The following COG6 variants were observed in gnomAD, a reference collection of about 807,000 sequenced individuals.
COG6 encodes the protein conserved oligomeric Golgi complex subunit 6.
COG6 carries 74 observed loss-of-function variants against 88.8 expected under a neutral mutation model. The ratio of observed to expected loss-of-function variants is 0.83; its 90% CI spans 0.69 to 1.01. The LOEUF (loss-of-function observed/expected upper bound fraction) is 1.01. COG6 is among the 50% of genes least tolerant of loss of function. The pLI, the probability that COG6 is intolerant of heterozygous loss-of-function variation, is 0.00. For synonymous variants in COG6, 286 were observed against 278.7 expected (o/e 1.03, Z -0.26); for missense variants, 800 against 797.9 (o/e 1.00, Z -0.03).
In COG6 at chr13:39,779,386, C is replaced by T. The variant is rs79014121; in HGVS notation, c.1827-8949C>T. Among the ~76,000 whole-genome samples the T allele has an allele frequency of 2.4e-4, 37 of 152,340 alleles. 2 individuals carry two copies. The East Asian group carries it at 5.8e-3, about 24-fold the overall frequency. ...TTAAATCGATCATTCCTATAAGCAA[C>T]GGTGTTATCTCCACATCATCCTATT... On this transcript the variant is annotated intron_variant, in intron 18 of 18. Coordinates refer to the COG6 transcript ENST00000416691.
intron 18 of COG6, among the ~76,000 whole-genome samples, chr13:39,767,891 C>T (rs561567555): frequency 2.9e-4 from 44 of 152,288 alleles, no homozygotes; most frequent in Middle Eastern, 3.4e-3. Flanking sequence ...TAAACTGGAG[C>T]TTTGATTTTA....
chr13:39,746,266 T>A (rs1880347041), intron 18 of COG6, among the ~76,000 whole-genome samples: 1 of 151,118 alleles, frequency 6.6e-6, no homozygotes, highest in Admixed American at 6.6e-5. Context: ...CCCTTTCAAC[T>A]GGTCTTTTTG....
intron 18 of COG6, among the ~76,000 whole-genome samples, chr13:39,737,249 A>G (rs1593463165): frequency 6.6e-6 from 1 of 152,196 alleles, no homozygotes; most frequent in African/African-American, 2.4e-5. Context: ...CACCACTGGT[A>G]CTGCGCTGGG....
chr13:39,771,142 C>T (rs1314615343), intron 18 of COG6, among the ~76,000 whole-genome samples: 1 of 152,134 alleles, frequency 6.6e-6, no homozygotes, highest in African/African-American at 2.4e-5. Flanking sequence ...AGAAAGCCTG[C>T]CACTGCTTAG....
At chr13:39,658,124 T>G (rs888389904) in intron 1 of COG6, among the ~76,000 whole-genome samples, 33 of 151,932 alleles carry the variant, frequency 2.2e-4, no homozygotes, top group Middle Eastern at 3.4e-3. Context: ...AGGTTCTACT[T>G]TGAAGAATAT....
intron 11 of COG6, among the ~76,000 whole-genome samples, chr13:39,690,228 A>G (rs571034997): frequency 3.0e-4 from 45 of 152,176 alleles, no homozygotes; most frequent in African/African-American, 1.1e-3. Context: ...TGATTAATCC[A>G]AGGATAAAAT....
At position 39,677,529 on chromosome 13, in the gene COG6, T is replaced by G. The variant is rs140097471; in HGVS notation, c.490T>G (p.Ser164Ala). ...CTTCTTATCCAAGTTCCAACTGACT[T>G]CTGATGAAATGAGTCTTCTCCGAGG... ...DAFLSKFQLT[S>A]DEMSLLRGTR... The change falls in exon 5 of 19, where the codon TCT becomes GCT. Residue 164 changes from serine to alanine, a missense_variant. Physicochemically the swap from Ser to Ala is moderately conservative, Grantham distance 99 (BLOSUM62 1). Transcript: ENST00000455146. The G allele has an allele frequency of 2.5e-6, 4 of 1,613,462 alleles. No individual in the cohort carries two copies. Among genetic ancestry groups the G allele is most frequent in the African/African-American group, 1.3e-5 (1 of 75,020 alleles).
In COG6 at chr13:39,655,895, G is replaced by A; in HGVS notation, c.153+16G>A. 2 of 1,601,600 alleles carry A rather than the reference G, an allele frequency of 1.2e-6. No homozygotes were observed. Among genetic ancestry groups the A allele is most frequent in the African/African-American group, 1.3e-5 (1 of 74,776 alleles). On this transcript the variant is annotated intron_variant, in intron 1 of 18. Coordinates refer to ENST00000455146, the MANE Select transcript of COG6 (RefSeq NM_020751.3). ...CAACGACAAGGTAACCGGGGCTGGC[G>A]GGGCCGGAGTCACAGGTTCCTGCGG...
intron 8 of COG6, among the ~76,000 whole-genome samples, chr13:39,684,243 A>ATTGTTTTTT (rs1876492432): frequency 4.5e-5 from 3 of 67,380 alleles, no homozygotes; most frequent in Non-Finnish European, 2.5e-5. Context: ...AATTTGGAAG[A>ATTGTTTTTT]TTTTTTTTTT....
chr13:39,737,503 G>C (rs1181737226), intron 18 of COG6, among the ~76,000 whole-genome samples: 1 of 150,002 alleles, frequency 6.7e-6, no homozygotes, highest in Non-Finnish European at 1.5e-5. Context: ...GTGGTGTTCT[G>C]TTCTGAGGTG....
chr13:39,658,318 A>AT (rs200530456), intron 1 of COG6, among the ~76,000 whole-genome samples: 9,019 of 151,374 alleles, frequency 0.06, 377 homozygotes, highest in Non-Finnish European at 0.095. Context: ...TAATTTTTTG[A>AT]TTTTTTTATA....
rs137961175 is a variant in COG6 at position 39,692,353 on chromosome 13, G to T, written c.1075-2281G>T. ...GTTTTAGATTGCTGAGAGATTACCA[G>T]CTATCATTTGAATTTTCTCTTTTAA... On this transcript the variant is annotated intron_variant, in intron 11 of 18. Coordinates refer to ENST00000455146, the MANE Select transcript of COG6 (RefSeq NM_020751.3). Among the ~76,000 whole-genome samples the T allele has an allele frequency of 2.5e-3, 383 of 151,908 alleles. 2 individuals are homozygous for T. Among genetic ancestry groups the T allele is most frequent in the African/African-American group, 9.0e-3 (375 of 41,444 alleles).
At chr13:39,672,993 A>G (rs1375408056) in intron 4 of COG6, among the ~76,000 whole-genome samples, 10 of 152,014 alleles carry the variant, frequency 6.6e-5, no homozygotes, top group Non-Finnish European at 4.4e-5. Context: ...AATGATGTCA[A>G]GCATCTTTTT....
intron 12 of COG6, among the ~76,000 whole-genome samples, chr13:39,698,253 A>G (rs1179798388): frequency 6.6e-6 from 1 of 151,582 alleles, no homozygotes; most frequent in Non-Finnish European, 1.5e-5. Flanking sequence ...ATTTGTTTTC[A>G]TTTAATTTGC....
rs148869108 is a variant in COG6, at chr13:39,687,565, C to G, written c.851C>G (p.Ala284Gly). Reference protein sequence around the residue: ...RSTVVRGFIDALTRGGPGGTP... With the variant: ...RSTVVRGFIDGLTRGGPGGTP... ...ACAGTTGTTCGTGGATTTATTGATG[C>G]GCTCACAAGAGGGGGCCCCGGAGGT... is the stretch of plus-strand genomic sequence containing the variant. Residue 284 changes from alanine (A) to glycine (G), a missense_variant, in exon 9 of 19, where the codon GCG (alanine) becomes GGG (glycine). Physicochemically the swap from Ala to Gly is moderately conservative, Grantham distance 60 (BLOSUM62 0). Transcript: ENST00000455146. 22 of 1,612,624 alleles carry G rather than the reference C, an allele frequency of 1.4e-5. No homozygotes were observed. The highest frequency in any genetic ancestry group is 1.8e-5 in the Non-Finnish European group (21 of 1,179,256).
intron 2 of COG6, among the ~76,000 whole-genome samples, chr13:39,659,886 T>C (rs553258789): frequency 7.9e-5 from 12 of 152,342 alleles, no homozygotes; most frequent in Admixed American, 5.9e-4. Context: ...TTACTTTTAC[T>C]ATATCCTAAA....
chr13:39,790,618 C>T (rs1031086558), exon 19 of COG6: 6 of 151,894 alleles, frequency 4.0e-5, no homozygotes, highest in Admixed American at 3.3e-4. Context: ...GAATCATCTC[C>T]TGTAGTTAAA....
chr13:39,719,353 G>A lies in COG6; in HGVS notation c.1402G>A (p.Ala468Thr). The change falls in exon 14 of 19, where the codon GCT becomes ACT. Residue 468 changes from alanine to threonine, a missense_variant. Physicochemically the swap from Ala to Thr is moderately conservative, Grantham distance 58. Coordinates refer to ENST00000455146, the MANE Select transcript of COG6 (RefSeq NM_020751.3). ...AGTTGTACCATTAGATGCTCGTCAA[G>A]CTGATTTTGTGCAGGTATGTTATAA... ...SSVVPLDARQ[A>T]DFVQVLSCVL... 6.2e-7 allele frequency: 1 copy of A among 1,612,352 alleles called. No individual in the cohort carries two copies. Among genetic ancestry groups the A allele is most frequent in the African/African-American group, 1.3e-5 (1 of 74,956 alleles).
chr13:39,688,805 C>G (rs949992293), intron 10 of COG6, among the ~76,000 whole-genome samples: 1 of 152,052 alleles, frequency 6.6e-6, no homozygotes, highest in African/African-American at 2.4e-5. Context: ...CCTAAAGAGG[C>G]CTGTTTTAGA....
Sources: gnomAD v4.1 joint callset for allele counts (sites outside exome capture counted in the v4.1 genomes callset) on GRCh38, gnomAD v4.1.1 for gene constraint, MANE v1.5 for transcripts, NCBI Gene and HGNC (gene_info 2026-07-23, HGNC 2026-07-21) for gene names.